XYLB: variants seen among roughly 807,000 people sequenced by gnomAD.
XYLB encodes xylulose kinase.
XYLB carries 62 observed loss-of-function variants against 78.7 expected under a neutral mutation model. That is an observed-to-expected ratio of 0.79 (90% CI 0.64 to 0.97). The LOEUF is 0.97. Among genes scored for constraint, XYLB ranks in the 50% least tolerant of loss-of-function variants. XYLB has a pLI of 0.00. For synonymous variants in XYLB, 245 were observed against 247.4 expected (o/e 0.99, Z 0.09); for missense variants, 687 against 676.8 (o/e 1.02, Z -0.17).
intron 15 of XYLB, among the ~76,000 whole-genome samples, chr3:38,385,710 A>G (rs1707355127): frequency 6.6e-6 from 1 of 152,162 alleles, no homozygotes; most frequent in Non-Finnish European, 1.5e-5. Flanking sequence ...CATAGCTTCT[A>G]GTATAAAAAA....
At chr3:38,379,448 G>A (rs1425368510) in intron 15 of XYLB, 106 bp downstream of exon 15, 1 of 1,109,084 alleles carries the variant, frequency 9.0e-7, no homozygotes, top group East Asian at 2.5e-5. Flanking sequence ...TTTCTTACAG[G>A]GGGACTTGTG....
chr3:38,374,428 G>A (rs199880538), intron 10 of XYLB, 34 bp from the exon 11 acceptor site: 7 of 1,613,762 alleles, frequency 4.3e-6, no homozygotes, highest in East Asian at 2.2e-5. Context: ...CCATGTGGCC[G>A]CCAGCTAACC....
the XYLB span, among the ~76,000 whole-genome samples, chr3:38,426,917 C>A: frequency 6.6e-6 from 1 of 152,150 alleles, no homozygotes; most frequent in African/African-American, 2.4e-5. Flanking sequence ...TGGCCCCGCC[C>A]GGAGCAAAAA....
chr3:38,431,515 C>G, the XYLB span, among the ~76,000 whole-genome samples: 1 of 152,222 alleles, frequency 6.6e-6, no homozygotes, highest in African/African-American at 2.4e-5. Flanking sequence ...ATTTGACTTC[C>G]TCTTTTCCTA....
intron 15 of XYLB, among the ~76,000 whole-genome samples, chr3:38,384,254 C>T (rs755888640): frequency 1.3e-5 from 2 of 152,042 alleles, no homozygotes; most frequent in African/African-American, 2.4e-5. Flanking sequence ...TTAGTAGAGA[C>T]GGGGTTTCAC....
At chr3:38,404,779 T>C (rs1708245980) in intron 18 of XYLB, among the ~76,000 whole-genome samples, 1 of 152,166 alleles carries the variant, frequency 6.6e-6, no homozygotes, top group African/African-American at 2.4e-5. Flanking sequence ...TTAATCAAGA[T>C]TGCACCACTG....
chr3:38,391,469 G>A (rs1176360476), intron 15 of XYLB, among the ~76,000 whole-genome samples: 1 of 152,162 alleles, frequency 6.6e-6, no homozygotes, highest in East Asian at 1.9e-4. Flanking sequence ...ACTACATGCG[G>A]TGTGATTTGC....
intron 10 of XYLB, among the ~76,000 whole-genome samples, chr3:38,373,582 G>C (rs1399174183): frequency 6.6e-6 from 1 of 152,158 alleles, no homozygotes; most frequent in Non-Finnish European, 1.5e-5. Flanking sequence ...GGGTGGTGTT[G>C]CTTCAGTGTT....
chr3:38,350,042 A>G (rs1450733753), intron 2 of XYLB, among the ~76,000 whole-genome samples: 1 of 152,190 alleles, frequency 6.6e-6, no homozygotes. Flanking sequence ...AGGGGGCACA[A>G]TTCAGTCCGT....
chr3:38,376,280 G>A (rs374869027), intron 13 of XYLB, 48 bp downstream of exon 13: 256 of 1,395,112 alleles, frequency 1.8e-4, no homozygotes, highest in Non-Finnish European at 2.4e-4. Flanking sequence ...AGCAGCTGCC[G>A]ACTGGAGGGG....
intron 18 of XYLB, among the ~76,000 whole-genome samples, chr3:38,401,236 G>A (rs1411249578): frequency 6.6e-6 from 1 of 152,118 alleles, no homozygotes; most frequent in African/African-American, 2.4e-5. Flanking sequence ...TATGCCTCAC[G>A]GTGGGCCCTT....
the XYLB span, among the ~76,000 whole-genome samples, chr3:38,441,771 C>T: frequency 6.6e-6 from 1 of 152,212 alleles, no homozygotes; most frequent in Non-Finnish European, 1.5e-5. Flanking sequence ...TACCCATAAA[C>T]AGTGAGGCCA....
chr3:38,374,451 C>T lies in XYLB; in HGVS notation c.848-11C>T. 6.2e-7 allele frequency: 1 copy of T among 1,614,074 alleles called. No homozygotes were observed. The highest frequency in any genetic ancestry group is 8.5e-7 in the Non-Finnish European group (1 of 1,179,970). ...CCGCCAGCTAACCAGAAGCTCCCCT[C>T]CCATTCTCAGCGTCGCTGGCAGGCA... On this transcript the variant is annotated splice_polypyrimidine_tract_variant and intron_variant, in intron 10 of 18. Transcript: ENST00000207870.
At chr3:38,348,679 G>C (rs1705199558) in intron 2 of XYLB, 47 bp downstream of exon 2, 4 of 1,583,130 alleles carry the variant, frequency 2.5e-6, no homozygotes, top group Non-Finnish European at 2.6e-6. Flanking sequence ...GTTGGTTTTG[G>C]GGTCCTCCCG....
chr3:38,351,004 C>T (rs188976300), intron 2 of XYLB, among the ~76,000 whole-genome samples: 36 of 151,208 alleles, frequency 2.4e-4, no homozygotes, highest in African/African-American at 7.8e-4. Context: ...ATTAGCTGGA[C>T]GTGGTGGCAG....
intron 15 of XYLB, among the ~76,000 whole-genome samples, chr3:38,391,233 AC>A (rs1469028538): frequency 0.11 from 211 of 1,890 alleles, no homozygotes; most frequent in African/African-American, 0.14. Flanking sequence ...AACAACAACA[AC>A]AACAAAAAAA....
downstream of XYLB, among the ~76,000 whole-genome samples, chr3:38,425,020 A>G (rs891397590): frequency 6.6e-6 from 1 of 152,272 alleles, no homozygotes; most frequent in Non-Finnish European, 1.5e-5. Flanking sequence ...GCTATTATCC[A>G]GCAATGCCCA....
At chr3:38,407,686 A>T (rs1575540108) in intron 18 of XYLB, among the ~76,000 whole-genome samples, 1 of 152,324 alleles carries the variant, frequency 6.6e-6, no homozygotes, top group Admixed American at 6.5e-5. Context: ...AGGATGGAGG[A>T]AGATCTACCA....
rs1426573364 is a variant in XYLB, at chr3:38,389,100, AGT to A, written c.1292-6402_1292-6401del. On this transcript the variant is annotated intron_variant, in intron 15 of 18. Coordinates refer to ENST00000207870, the MANE Select transcript of XYLB (RefSeq NM_005108.4). ...GGCAGAGGACCCTGCGGCCTTCCGC[AGT>A]GTTTGTGTCCCTGGGTACTTGAGAT... Among the ~76,000 whole-genome samples, 6 of 147,774 alleles carry A rather than the reference AGT, an allele frequency of 4.1e-5. No homozygotes were observed. The East Asian group carries it at 1.2e-3, about 29-fold the overall frequency.
Sources: gnomAD v4.1 joint callset for allele counts (sites outside exome capture counted in the v4.1 genomes callset) on GRCh38, gnomAD v4.1.1 for gene constraint, MANE v1.5 for transcripts, NCBI Gene and HGNC (gene_info 2026-07-23, HGNC 2026-07-21) for gene names.